DLG2: variants seen among roughly 807,000 people sequenced by gnomAD.
DLG2 encodes the protein disks large homolog 2.
DLG2 carries 45 observed loss-of-function variants against 132.5 expected under a neutral mutation model. The ratio of observed to expected loss-of-function variants is 0.34; its 90% confidence interval spans 0.27 to 0.44. DLG2 has a LOEUF of 0.44. Ranked by LOEUF, DLG2 falls within the 20% of genes least tolerant of loss-of-function variation. The probability of loss-of-function intolerance (pLI) is 1.00; values close to 1 mark genes in which losing one functional copy is unlikely to be tolerated. For missense variants in DLG2, 1,045 were observed against 1,196.9 expected (o/e 0.87, Z 1.87); for synonymous variants, 424 against 419.6 (o/e 1.01, Z -0.13).
intron 18 of DLG2, among the ~76,000 whole-genome samples, chr11:83,685,880 G>A (rs968723273): frequency 8.6e-5 from 13 of 151,976 alleles, no homozygotes; most frequent in African/African-American, 2.2e-4. Context: ...AATAAATGGC[G>A]CAATCATTGA....
intron 8 of DLG2, among the ~76,000 whole-genome samples, chr11:84,213,200 C>T (rs1025002310): frequency 6.6e-6 from 1 of 152,164 alleles, no homozygotes; most frequent in African/African-American, 2.4e-5. Flanking sequence ...TGCTACACCA[C>T]AAGAAGGATT....
chr11:84,995,727 T>TA (rs2057583196), intron 6 of DLG2, among the ~76,000 whole-genome samples: 2 of 152,002 alleles, frequency 1.3e-5, no homozygotes, highest in Non-Finnish European at 1.5e-5. Flanking sequence ...CAATTTTTTT[T>TA]TAAAAAAAAA....
chr11:85,601,221 T>TGCTTGAACTCCTGACCTCAAGCCA (rs1182744840), intron 2 of DLG2, among the ~76,000 whole-genome samples: 1 of 152,178 alleles, frequency 6.6e-6, no homozygotes, highest in Non-Finnish European at 1.5e-5. Context: ...TTGCCCAAGT[T>TGCTTGAACTCCTGACCTCAAGCCA]AGTCTTGAAC....
chr11:84,563,062 C>T (rs188233858), intron 6 of DLG2, among the ~76,000 whole-genome samples: 102 of 152,268 alleles, frequency 6.7e-4, no homozygotes, highest in Admixed American at 1.9e-3. Context: ...ACTCCATTTA[C>T]GTAAGTTTAT....
intron 15 of DLG2, among the ~76,000 whole-genome samples, chr11:83,924,953 G>C (rs953560979): frequency 1.3e-5 from 2 of 152,026 alleles, no homozygotes; most frequent in Non-Finnish European, 2.9e-5. Flanking sequence ...GTGTGGACGG[G>C]GCCATTTCTT....
At chr11:85,151,138 TA>T (rs1293881485) in intron 5 of DLG2, among the ~76,000 whole-genome samples, 2 of 152,208 alleles carry the variant, frequency 1.3e-5, no homozygotes, top group Non-Finnish European at 2.9e-5. Context: ...ACATTTTTCA[TA>T]GATGTATTGG....
intron 3 of DLG2, among the ~76,000 whole-genome samples, chr11:85,372,913 T>G (rs2152919955): frequency 6.6e-6 from 1 of 152,334 alleles, no homozygotes; most frequent in South Asian, 2.1e-4. Context: ...GGGTAGCCAC[T>G]CACCTTCAGT....
At chr11:84,352,512 C>G (rs1347777510) in intron 7 of DLG2, among the ~76,000 whole-genome samples, 2 of 152,124 alleles carry the variant, frequency 1.3e-5, no homozygotes, top group East Asian at 3.9e-4. Context: ...AACTACATTT[C>G]CCAGAATTTT....
At chr11:84,361,508 T>A (rs549290126) in intron 7 of DLG2, among the ~76,000 whole-genome samples, 113 of 152,034 alleles carry the variant, frequency 7.4e-4, no homozygotes, top group Non-Finnish European at 1.2e-3. Context: ...CAAAATCTTA[T>A]AATATTCATT....
intron 3 of DLG2, among the ~76,000 whole-genome samples, chr11:85,322,459 T>C (rs2152826909): frequency 6.6e-6 from 1 of 152,276 alleles, no homozygotes; most frequent in East Asian, 1.9e-4. Context: ...GGGAAAGGTT[T>C]GCATTATTAT....
chr11:84,035,934 T>C (rs555609609), intron 11 of DLG2, among the ~76,000 whole-genome samples: 2 of 152,280 alleles, frequency 1.3e-5, no homozygotes, highest in South Asian at 2.1e-4. Flanking sequence ...CCTAAGCAAC[T>C]GGATATCATT....
chr11:84,454,152 G>C (rs1184766598), intron 7 of DLG2, among the ~76,000 whole-genome samples: 2 of 151,460 alleles, frequency 1.3e-5, no homozygotes, highest in Non-Finnish European at 3.0e-5. Context: ...CTCATAAAAA[G>C]ATGACTAAAG....
intron 7 of DLG2, among the ~76,000 whole-genome samples, chr11:84,450,312 G>A (rs1438318184): frequency 6.6e-6 from 1 of 151,266 alleles, no homozygotes; most frequent in African/African-American, 2.4e-5. Flanking sequence ...TGAGTTCAGA[G>A]AACATTAGCC....
In DLG2 at chr11:83,625,604, A is replaced by C. The variant is rs1180544309; in HGVS notation, c.1940+7607T>G. Among the ~76,000 whole-genome samples, 3 of 152,168 alleles carry C rather than the reference A, an allele frequency of 2.0e-5. No individual in the cohort carries two copies. In the East Asian group the frequency reaches 5.8e-4, roughly 29 times the overall value. The stretch of plus-strand genomic sequence containing the variant: ...TTGAGACTGCTCTTGACATAACTTC[A>C]AGCCTTAGTTCCCAGGAATAGAACG... On this transcript the variant is annotated intron_variant, in intron 19 of 27. Transcript: ENST00000376104.
intron 19 of DLG2, among the ~76,000 whole-genome samples, chr11:83,565,820 A>G (rs1474191856): frequency 2.0e-5 from 3 of 152,226 alleles, no homozygotes; most frequent in Non-Finnish European, 4.4e-5. Context: ...TGCAAGGTAA[A>G]GACACTTATT....
chr11:83,985,123 C>T (rs1592374711), intron 11 of DLG2, among the ~76,000 whole-genome samples: 1 of 152,066 alleles, frequency 6.6e-6, no homozygotes, highest in Admixed American at 6.6e-5. Flanking sequence ...GCAATAAGAC[C>T]AAACACAAAT....
At chr11:85,119,162 A>T (rs904137162) in intron 5 of DLG2, among the ~76,000 whole-genome samples, 8 of 151,986 alleles carry the variant, frequency 5.3e-5, no homozygotes, top group South Asian at 2.1e-4. Flanking sequence ...TTTGTTTGTA[A>T]CTTTTTTGTC....
intron 7 of DLG2, among the ~76,000 whole-genome samples, chr11:84,363,577 T>C (rs2098663760): frequency 6.6e-6 from 1 of 151,614 alleles, no homozygotes; most frequent in Non-Finnish European, 1.5e-5. Context: ...AGACATGAAG[T>C]CCTTGCCCAT....
At position 85,418,642 on chromosome 11, in the gene DLG2, T is replaced by C. The variant is rs145081056; in HGVS notation, c.41-133277A>G. ...TCAGTGCTCCTGTATTAGGTGTATA[T>C]ATATTTAGGATAGTTAGCTCTTCTT... On this transcript the variant is annotated intron_variant, in intron 3 of 27. Transcript: ENST00000376104. 3.0e-3 allele frequency among the ~76,000 whole-genome samples: 462 copies of C among 152,350 alleles called. 1 individual carries two copies. The highest frequency in any genetic ancestry group is 0.011 in the African/African-American group (445 of 41,576).
Sources: gnomAD v4.1 joint callset for allele counts (sites outside exome capture counted in the v4.1 genomes callset) on GRCh38, gnomAD v4.1.1 for gene constraint, MANE v1.5 for transcripts, NCBI Gene and HGNC (gene_info 2026-07-23, HGNC 2026-07-21) for gene names.